ADAM28: variants seen among roughly 807,000 people sequenced by gnomAD.
ADAM28 encodes disintegrin and metalloproteinase domain-containing protein 28.
Under a neutral mutation model 101.2 loss-of-function variants are expected in ADAM28, and 105 were observed. The ratio of observed to expected loss-of-function variants is 1.04; its 90% CI spans 0.89 to 1.22. ADAM28 has a LOEUF of 1.22. Ranked by LOEUF, ADAM28 falls within the 50% of genes most tolerant of loss-of-function variation. The probability of loss-of-function intolerance (pLI) is 0.00; values close to 1 mark genes in which losing one functional copy is unlikely to be tolerated. For missense variants in ADAM28, 1,028 were observed against 945.4 expected (o/e 1.09, Z -1.15); for synonymous variants, 322 against 310.6 (o/e 1.04, Z -0.39).
chr8:24,353,833 G>A lies in ADAM28; in HGVS notation c.2307+1G>A. The A allele has an allele frequency of 6.6e-7, 1 of 1,510,272 alleles. No homozygotes were observed. The allele number at this position is 1,510,272 out of a possible 1,614,324, so 93.6% of individuals were successfully genotyped here. On this transcript the variant is annotated splice_donor_variant, in intron 22 of 22. Coordinates refer to ENST00000265769, the MANE Select transcript of ADAM28 (RefSeq NM_014265.6). LOFTEE classifies it high-confidence loss of function. ...GGATAATCCAGTGTCTACACCTAAG[G>A]TAAGAGATCTATAGCCAAATTATTA...
In ADAM28 at chr8:24,351,221, C is replaced by A; in HGVS notation, c.2100-11C>A. 1.3e-6 allele frequency: 2 copies of A among 1,555,146 alleles called. No homozygotes were observed. The highest frequency in any genetic ancestry group is 1.7e-6 in the Non-Finnish European group (2 of 1,153,846). On this transcript the variant is annotated splice_polypyrimidine_tract_variant and intron_variant, in intron 19 of 22. Transcript: ENST00000265769. The stretch of plus-strand genomic sequence containing the variant: ...CTAAGTCAATTGATATCATGTGTTT[C>A]TCTCTTACAGGCCACTATCTACCAC...
intron 11 of ADAM28, among the ~76,000 whole-genome samples, 166 bp downstream of exon 11, chr8:24,330,281 A>C (rs932844816): frequency 2.0e-5 from 3 of 152,154 alleles, no homozygotes. Context: ...TTAATAACTA[A>C]GACATAATTT....
In ADAM28 at chr8:24,326,589, C is replaced by T. The variant is rs1164173474; in HGVS notation, c.926C>T (p.Ala309Val). 6.2e-7 allele frequency: 1 copy of T among 1,612,002 alleles called. No individual in the cohort carries two copies. The highest frequency in any genetic ancestry group is 8.5e-7 in the Non-Finnish European group (1 of 1,178,750). ...CTTGCTGGAACGACTGTGGGTCTTG[C>T]ATTTATGTCTACAATGTGTTCTCCT... ...TELAGTTVGLAFMSTMCSPYS... is the reference protein window; with the variant it reads ...TELAGTTVGLVFMSTMCSPYS... Residue 309 changes from alanine to valine, a missense_variant, in exon 10 of 23, where the codon GCA becomes GTA. Coordinates refer to ENST00000265769, the MANE Select transcript of ADAM28 (RefSeq NM_014265.6).
chr8:24,309,405 TACTC>T (rs760288839), intron 2 of ADAM28, among the ~76,000 whole-genome samples: 3 of 152,286 alleles, frequency 2.0e-5, no homozygotes, highest in South Asian at 2.1e-4. Context: ...TAACTTCCCT[TACTC>T]ACTTCACCTG....
chr8:24,323,047 T>C (rs540596118), intron 8 of ADAM28, among the ~76,000 whole-genome samples: 3 of 152,104 alleles, frequency 2.0e-5, no homozygotes, highest in East Asian at 1.9e-4. Context: ...GGCTCATAAA[T>C]GACAGCAATT....
At chr8:24,346,753 C>A (rs1180145592) in intron 18 of ADAM28, among the ~76,000 whole-genome samples, 3 of 152,098 alleles carry the variant, frequency 2.0e-5, no homozygotes, top group African/African-American at 7.2e-5. Flanking sequence ...CAGACATCTG[C>A]TTTCCTGCCT....
chr8:24,331,879 T>G (rs922412093), intron 12 of ADAM28, among the ~76,000 whole-genome samples: 1 of 152,144 alleles, frequency 6.6e-6, no homozygotes, highest in African/African-American at 2.4e-5. Context: ...CAGCTGGGAT[T>G]TTGAATGGGA....
chr8:24,305,219 A>G (rs535406232), intron 2 of ADAM28, among the ~76,000 whole-genome samples: 1 of 152,018 alleles, frequency 6.6e-6, no homozygotes, highest in South Asian at 2.1e-4. Flanking sequence ...TGTTAAGCTG[A>G]CTTGCCATAT....
At chr8:24,350,081 A>G (rs567217784) in intron 19 of ADAM28, 109 bp downstream of exon 19, 1 of 928,430 alleles carries the variant, frequency 1.1e-6, no homozygotes, top group East Asian at 2.7e-5. Flanking sequence ...TACTTCTAAT[A>G]TTCAGAAATA....
intron 18 of ADAM28, among the ~76,000 whole-genome samples, chr8:24,348,303 T>C (rs1011694593): frequency 2.6e-5 from 4 of 152,138 alleles, no homozygotes; most frequent in Admixed American, 6.6e-5. Context: ...ACAGTTGACA[T>C]ATACCCAGCA....
chr8:24,326,738 G>A (rs376292984), intron 10 of ADAM28, 103 bp downstream of exon 10: 3 of 1,107,698 alleles, frequency 2.7e-6, no homozygotes, highest in East Asian at 2.5e-5. Context: ...GTAGTCTGTT[G>A]ACATGGTAAA....
chr8:24,336,699 A>C (rs1814135540), intron 14 of ADAM28, among the ~76,000 whole-genome samples: 1 of 152,186 alleles, frequency 6.6e-6, no homozygotes, highest in East Asian at 1.9e-4. Context: ...GCATAGAAGC[A>C]GAAAGTACAA....
At position 24,321,259 on chromosome 8, in the gene ADAM28, G is replaced by A. The variant is rs200192380; in HGVS notation, c.690G>A (p.Arg230=). The stretch of plus-strand genomic sequence containing the variant: ...AGAATCAAGATGAGATCAGAAAGAG[G>A]GTATTTGAGATGGCTAATTATGTCA... ...YNENQDEIRK[R]VFEMANYVNM... is the part of the protein sequence containing the mutation. Residue 230 remains arginine, a synonymous_variant, in exon 8 of 23, where the codon AGG becomes AGA. Coordinates refer to ENST00000265769, the MANE Select transcript of ADAM28 (RefSeq NM_014265.6). The A allele has an allele frequency of 9.0e-5, 145 of 1,607,666 alleles. No homozygotes were observed. In the South Asian group the frequency reaches 1.0e-3, roughly 11 times the overall value.
intron 2 of ADAM28, among the ~76,000 whole-genome samples, chr8:24,307,036 C>T (rs924912225): frequency 6.6e-6 from 1 of 152,182 alleles, no homozygotes; most frequent in Non-Finnish European, 1.5e-5. Flanking sequence ...CTCAGGCACA[C>T]CTTATGACTA....
intron 16 of ADAM28, chr8:24,342,888 A>G (rs538288954): frequency 1.3e-6 from 1 of 789,320 alleles, no homozygotes; most frequent in African/African-American, 1.7e-5. Flanking sequence ...TTAAAAATAC[A>G]TAAATTCTTA....
chr8:24,341,750 A>G lies in ADAM28; in HGVS notation c.1823A>G (p.Asp608Gly), dbSNP rs1360013581. The change falls in exon 16 of 23, where the codon GAT becomes GGT. Residue 608 changes from aspartate to glycine, a missense_variant. Coordinates refer to ENST00000265769, the MANE Select transcript of ADAM28 (RefSeq NM_014265.6). Reference protein sequence around the residue: ...GMVANGTKCGDNKVCINAECV... With the variant: ...GMVANGTKCGGNKVCINAECV... ...GTGGCCAATGGAACTAAGTGTGGCG[A>G]TAACAAGGTAAGTTGAAATTGTGGC... 1 of 1,613,644 alleles carries G rather than the reference A, an allele frequency of 6.2e-7. No homozygotes were observed. The highest frequency in any genetic ancestry group is 2.2e-5 in the East Asian group (1 of 44,864).
At chr8:24,339,284 T>C (rs186820176) in intron 14 of ADAM28, among the ~76,000 whole-genome samples, 182 bp from the exon 15 acceptor site, 1 of 152,336 alleles carries the variant, frequency 6.6e-6, no homozygotes, top group East Asian at 1.9e-4. Flanking sequence ...TGATACCAAA[T>C]TACTACAGCC....
intron 6 of ADAM28, among the ~76,000 whole-genome samples, chr8:24,314,182 G>T (rs965018324): frequency 6.6e-6 from 1 of 152,102 alleles, no homozygotes; most frequent in African/African-American, 2.4e-5. Context: ...AAGATATAAA[G>T]TATTATTATT....
At chr8:24,312,606 T>G (rs1810618287) in intron 5 of ADAM28, among the ~76,000 whole-genome samples, 1 of 151,826 alleles carries the variant, frequency 6.6e-6, no homozygotes, top group African/African-American at 2.4e-5. Context: ...TCTCTTGTAC[T>G]TTTTCTTCAC....
Sources: gnomAD v4.1 joint callset for allele counts (sites outside exome capture counted in the v4.1 genomes callset) on GRCh38, gnomAD v4.1.1 for gene constraint, MANE v1.5 for transcripts, NCBI Gene and HGNC (gene_info 2026-07-23, HGNC 2026-07-21) for gene names.